The following AFF1 variants were observed in gnomAD, a reference collection of about 807,000 sequenced individuals.
AFF1 encodes the protein ALF transcription elongation factor 1, also known as AF4/FMR2 family member 1.
In AFF1, 48 loss-of-function variants were observed where a neutral mutation model predicts 121.7. The observed-to-expected ratio is 0.39, with a 90% CI of 0.31 to 0.50. The LOEUF is 0.50. AFF1 is among the 20% of genes least tolerant of loss of function. AFF1 has a pLI of 0.76. For synonymous variants in AFF1, 613 were observed against 563.0 expected, an observed-to-expected ratio of 1.09 and a Z score of -1.26; for missense variants, 1,523 against 1,511.7, an observed-to-expected ratio of 1.01 and a Z score of -0.12.
intron 2 of AFF1, among the ~76,000 whole-genome samples, chr4:86,977,200 T>C (rs1273941859): frequency 6.6e-6 from 1 of 152,136 alleles, no homozygotes; most frequent in Non-Finnish European, 1.5e-5. Flanking sequence ...CCCTATACAC[T>C]ATATAGTATG....
Position 87,084,124 on chromosome 4 carries a change from C to A in AFF1, c.1064C>A (p.Thr355Asn). 1.2e-6 allele frequency: 2 copies of A among 1,613,872 alleles called. No individual in the cohort carries two copies. The highest frequency in any genetic ancestry group is 1.7e-6 in the Non-Finnish European group (2 of 1,179,818). ...TTTTTTGCTTTTCACTTTCAGCAGA[C>A]CTACTCCAATGAAGTCCATTGTGTT... Reference protein sequence around the residue: ...LKMPSQSVEQTYSNEVHCVEE... With the variant: ...LKMPSQSVEQNYSNEVHCVEE... Residue 355 changes from threonine to asparagine, a missense_variant, in exon 5 of 21, where the codon ACC (threonine) becomes AAC (asparagine). Physicochemically the swap from Thr to Asn is moderately conservative, Grantham distance 65. Transcript: ENST00000395146.
At chr4:87,126,502 A>G (rs570578384) in intron 14 of AFF1, among the ~76,000 whole-genome samples, 166 bp downstream of exon 14, 3 of 152,352 alleles carry the variant, frequency 2.0e-5, no homozygotes, top group Non-Finnish European at 2.9e-5. Context: ...AGTAAAAGGT[A>G]TTAATAATAC....
At chr4:86,950,703 G>C (rs766280416) in intron 2 of AFF1, among the ~76,000 whole-genome samples, 4 of 152,148 alleles carry the variant, frequency 2.6e-5, no homozygotes, top group Non-Finnish European at 5.9e-5. Flanking sequence ...GCTAAACTTG[G>C]TTTACTCTCT....
chr4:87,126,271 G>A lies in AFF1; in HGVS notation c.2746G>A (p.Asp916Asn), dbSNP rs1461836850. The A allele has an allele frequency of 6.2e-7, 1 of 1,614,104 alleles. No individual in the cohort carries two copies. The highest frequency in any genetic ancestry group is 1.7e-5 in the Admixed American group (1 of 60,006). ...CAGCAGTACCAAGAGCAACCACAAAGACTCTTCCATTCCCAAGCAGAGAAG... is the reference window on the plus strand; with the variant it reads ...CAGCAGTACCAAGAGCAACCACAAAAACTCTTCCATTCCCAAGCAGAGAAG... Reference protein sequence around the residue: ...SASSTKSNHKDSSIPKQRRVE... With the variant: ...SASSTKSNHKNSSIPKQRRVE... The change falls in exon 14 of 21, where the codon GAC (aspartate) becomes AAC (asparagine). Residue 916 changes from aspartate to asparagine, a missense_variant. By Grantham distance (23) the Asp-to-Asn change is conservative. Transcript: ENST00000395146.
intron 2 of AFF1, among the ~76,000 whole-genome samples, chr4:86,994,078 C>A (rs1463145316): frequency 6.6e-6 from 1 of 152,264 alleles, no homozygotes; most frequent in Non-Finnish European, 1.5e-5. Flanking sequence ...TGCTGCTCTG[C>A]AGCCTTACTT....
At chr4:86,941,464 G>A (rs1003375402) in intron 1 of AFF1, among the ~76,000 whole-genome samples, 2 of 152,264 alleles carry the variant, frequency 1.3e-5, no homozygotes, top group Admixed American at 6.5e-5. Flanking sequence ...TTCGAGTTGA[G>A]CCTGGCCAAC....
At chr4:86,973,361 G>A (rs1434525565) in intron 2 of AFF1, among the ~76,000 whole-genome samples, 1 of 152,202 alleles carries the variant, frequency 6.6e-6, no homozygotes, top group Non-Finnish European at 1.5e-5. Context: ...AGGTTTCGGT[G>A]TGGTGTACTA....
chr4:87,114,458 C>T lies in AFF1; in HGVS notation c.1625C>T (p.Thr542Ile). The change falls in exon 12 of 21, where the codon ACA becomes ATA. Residue 542 changes from threonine (T) to isoleucine (I), a missense_variant. Around this residue, in one of 5 missense-constraint regions of AFF1, gnomAD observed 905 missense variants for 842.5 expected, o/e 1.07. Transcript: ENST00000395146. Reference sequence around the variant, plus strand: ...GCGCCACCAGAGGGCCCCAGGAGCACAGAGCCCCCACGGCGGCACCCAGAG... The same window carrying T: ...GCGCCACCAGAGGGCCCCAGGAGCATAGAGCCCCCACGGCGGCACCCAGAG... ...PAAPPEGPRS[T>I]EPPRRHPESK... 6.2e-7 allele frequency: 1 copy of T among 1,613,784 alleles called. No homozygotes were observed. The highest frequency in any genetic ancestry group is 8.5e-7 in the Non-Finnish European group (1 of 1,180,014).
chr4:87,046,195 G>T lies in AFF1; in HGVS notation c.68G>T (p.Arg23Leu), dbSNP rs777939356. Residue 23 changes from arginine to leucine, a missense_variant, in exon 3 of 21, where the codon CGA becomes CTA. Arg to Leu is a moderately radical substitution (Grantham distance 102). Around this residue, in one of 5 missense-constraint regions of AFF1, gnomAD observed 369 missense variants for 367.2 expected, o/e 1.00. Transcript: ENST00000395146. ...TACAATGACGACAGAAACCTGCTTC[G>T]AATTAGAGAGAAGGAAAGACGCAAC... The part of the protein sequence containing the change: ...SLYNDDRNLL[R>L]IREKERRNQE... The T allele has an allele frequency of 5.6e-6, 9 of 1,613,724 alleles. No individual in the cohort carries two copies. The highest frequency in any genetic ancestry group is 7.6e-6 in the Non-Finnish European group (9 of 1,179,894).
chr4:86,951,623 C>CTTTTTTTTTT (rs1285365564), intron 2 of AFF1, among the ~76,000 whole-genome samples: 3 of 69,418 alleles, frequency 4.3e-5, no homozygotes, highest in African/African-American at 1.4e-4. Context: ...TTCTTTTTTT[C>CTTTTTTTTTT]TTTTTTTTTT....
chr4:87,054,346 T>C (rs1007792609), intron 4 of AFF1, among the ~76,000 whole-genome samples: 16 of 152,258 alleles, frequency 1.1e-4, no homozygotes, highest in Admixed American at 4.6e-4. Flanking sequence ...ACTGAACTGA[T>C]GGATGGGGCT....
intron 4 of AFF1, among the ~76,000 whole-genome samples, chr4:87,055,947 T>G (rs557109220): frequency 5.4e-4 from 83 of 152,376 alleles, no homozygotes; most frequent in African/African-American, 1.9e-3. Context: ...ATTTTTACAT[T>G]GATTTTGTTC....
At chr4:87,036,734 C>G in intron 2 of AFF1, 2 of 484,648 alleles carry the variant, frequency 4.1e-6, no homozygotes, top group South Asian at 3.0e-5. Context: ...GTTATATTAA[C>G]TACCCCAGTT....
chr4:87,075,925 C>T (rs937039622), intron 4 of AFF1, among the ~76,000 whole-genome samples: 1 of 152,102 alleles, frequency 6.6e-6, no homozygotes, highest in South Asian at 2.1e-4. Context: ...ATGACAAAAT[C>T]GAGTATTCAT....
Position 87,137,018 on chromosome 4 carries a change from T to A in AFF1, c.*1317T>A. On this transcript the variant is annotated 3_prime_UTR_variant, in exon 21 of 21. Coordinates refer to ENST00000395146, the MANE Select transcript of AFF1 (RefSeq NM_001166693.3). Reference sequence around the variant, plus strand: ...TAGTGTATGCATTAAACCAAGTCCATTTTGAATGACCTAAAATGAAGTAAC... The same window carrying A: ...TAGTGTATGCATTAAACCAAGTCCAATTTGAATGACCTAAAATGAAGTAAC... 1 of 223,266 alleles carries A rather than the reference T, an allele frequency of 4.5e-6. No individual in the cohort carries two copies. The highest frequency in any genetic ancestry group is 9.0e-6 in the Non-Finnish European group (1 of 111,538). The allele number at this position is 223,266 out of a possible 1,614,324, so 13.8% of individuals were successfully genotyped here.
intron 2 of AFF1, among the ~76,000 whole-genome samples, chr4:87,022,614 C>A (rs56924570): frequency 0.43 from 29,711 of 69,458 alleles, 6,237 homozygotes; most frequent in South Asian, 0.55. Context: ...GTATATATAT[C>A]TGTGTGTGTA....
chr4:87,022,568 ATATATATATATATATCTATCTATATC>A (rs1560547140), intron 2 of AFF1, among the ~76,000 whole-genome samples: 69 of 83,984 alleles, frequency 8.2e-4, no homozygotes, highest in Middle Eastern at 6.3e-3. Flanking sequence ...ATATATATAT[ATATATATATATATATCTATCTATATC>A]TATCTGTGTG....
chr4:86,947,992 G>A (rs1196810548), intron 1 of AFF1, among the ~76,000 whole-genome samples: 1 of 151,906 alleles, frequency 6.6e-6, no homozygotes, highest in Non-Finnish European at 1.5e-5. Context: ...TAATTCTAGT[G>A]AGGATGCTGA....
intron 2 of AFF1, among the ~76,000 whole-genome samples, chr4:87,045,064 G>A (rs1730535815): frequency 6.6e-6 from 1 of 152,132 alleles, no homozygotes; most frequent in African/African-American, 2.4e-5. Flanking sequence ...ATGTGGGGGA[G>A]GCAGGGAGAC....
Sources: gnomAD v4.1 joint callset for allele counts (sites outside exome capture counted in the v4.1 genomes callset) on GRCh38, gnomAD v4.1.1 for gene constraint, gnomAD v4.1.1 regional missense constraint, MANE v1.5 for transcripts, NCBI Gene and HGNC (gene_info 2026-07-23, HGNC 2026-07-21) for gene names.